AKAP13: variants seen among roughly 807,000 people sequenced by gnomAD.
The protein encoded by AKAP13 is A-kinase anchoring protein 13, also known as A-kinase anchor protein 13.
A neutral mutation model predicts 264.5 loss-of-function variants in AKAP13; 80 were observed. The ratio of observed to expected loss-of-function variants is 0.30; its 90% CI spans 0.25 to 0.36. The LOEUF (loss-of-function observed/expected upper bound fraction) is 0.36, where lower values mean the gene tolerates loss of function less well. Ranked by LOEUF, AKAP13 falls within the 10% of genes least tolerant of loss-of-function variation. The probability of loss-of-function intolerance (pLI) is 1.00; values close to 1 mark genes in which losing one functional copy is unlikely to be tolerated. For synonymous variants in AKAP13, 1,380 were observed against 1,250.2 expected (o/e 1.10, Z -2.19); for missense variants, 3,712 against 3,435.2 (o/e 1.08, Z -2.01).
intron 8 of AKAP13, chr15:85,635,218 C>T (rs338506): frequency 0.11 from 43,094 of 396,814 alleles, 4,803 homozygotes; most frequent in East Asian, 0.41. Context: ...CACATCTTTG[C>T]CAACATTTGG....
chr15:85,656,489 C>T (rs372042169), intron 11 of AKAP13, among the ~76,000 whole-genome samples: 1 of 152,082 alleles, frequency 6.6e-6, no homozygotes, highest in Non-Finnish European at 1.5e-5. Flanking sequence ...CTCTGTCACC[C>T]AGGCTGGAGT....
chr15:85,399,411 G>A (rs973020504), intron 1 of AKAP13, among the ~76,000 whole-genome samples: 2 of 146,818 alleles, frequency 1.4e-5, no homozygotes, highest in Non-Finnish European at 3.0e-5. Flanking sequence ...CAGGAGAATG[G>A]CGTGAACCCG....
At chr15:85,721,514 A>G (rs985396498) in intron 23 of AKAP13, among the ~76,000 whole-genome samples, 2 of 152,228 alleles carry the variant, frequency 1.3e-5, no homozygotes, top group Non-Finnish European at 2.9e-5. Flanking sequence ...TAAGGGCCTC[A>G]TAGAATTATT....
intron 14 of AKAP13, among the ~76,000 whole-genome samples, chr15:85,676,523 A>ACTCT (rs2084238333): frequency 6.6e-6 from 1 of 152,164 alleles, no homozygotes; most frequent in African/African-American, 2.4e-5. Context: ...GAGCAGGGAG[A>ACTCT]GGAATGAGCC....
At chr15:85,677,715 G>A (rs1397943159) in intron 14 of AKAP13, among the ~76,000 whole-genome samples, 1 of 150,620 alleles carries the variant, frequency 6.6e-6, no homozygotes, top group African/African-American at 2.4e-5. Flanking sequence ...GCAGTGGCGC[G>A]ATCTTGCCTC....
At position 85,580,766 on chromosome 15, in the gene AKAP13, G is replaced by A. The variant is rs200417750; in HGVS notation, c.2698G>A (p.Ala900Thr). The stretch of plus-strand genomic sequence containing the variant: ...CTCTTCCCTGCAAAGTGTGGGTAAG[G>A]CCACTTTGGCTTTAGATTCAGTTTT... ...TDSSLQSVGK[A>T]TLALDSVLTE... Residue 900 changes from alanine to threonine, a missense_variant, in exon 7 of 37, where the codon GCC becomes ACC. Physicochemically the swap from Ala to Thr is moderately conservative, Grantham distance 58 (BLOSUM62 0). This residue lies in a region of AKAP13 where 2,759 missense variants were observed against 2,411.7 expected (regional missense o/e 1.14). Transcript: ENST00000394518. 5 of 1,614,144 alleles carry A rather than the reference G, an allele frequency of 3.1e-6. No individual in the cohort carries two copies. The East Asian group carries it at 8.9e-5, about 29-fold the overall frequency.
At chr15:85,478,835 A>G (rs1210364276) in intron 1 of AKAP13, among the ~76,000 whole-genome samples, 2 of 85,438 alleles carry the variant, frequency 2.3e-5, no homozygotes, top group Non-Finnish European at 4.8e-5. Flanking sequence ...ACATATTATG[A>G]GTCTTAACAT....
At chr15:85,443,438 A>G (rs2073782943) in intron 1 of AKAP13, among the ~76,000 whole-genome samples, 1 of 152,140 alleles carries the variant, frequency 6.6e-6, no homozygotes. Context: ...AAGTCCACTC[A>G]CTTTCTTCAT....
intron 10 of AKAP13, among the ~76,000 whole-genome samples, chr15:85,652,860 C>T (rs2082920717): frequency 6.6e-6 from 1 of 152,162 alleles, no homozygotes. Context: ...TGTCTCTTCT[C>T]CTCTTGCAGG....
intron 18 of AKAP13, among the ~76,000 whole-genome samples, chr15:85,710,204 G>A (rs1405745656): frequency 1.3e-5 from 2 of 152,202 alleles, no homozygotes; most frequent in Non-Finnish European, 2.9e-5. Context: ...TAAGGCACCA[G>A]CAATCTACTG....
At chr15:85,401,390 A>C (rs1037385615) in intron 1 of AKAP13, among the ~76,000 whole-genome samples, 6 of 152,150 alleles carry the variant, frequency 3.9e-5, no homozygotes, top group African/African-American at 1.4e-4. Flanking sequence ...TCCTCTGCCA[A>C]CCTGAATTGA....
chr15:85,477,028 CTG>C (rs2075185184), intron 1 of AKAP13, among the ~76,000 whole-genome samples: 1 of 152,062 alleles, frequency 6.6e-6, no homozygotes, highest in African/African-American at 2.4e-5. Flanking sequence ...GTTCCCAAAA[CTG>C]TGATCACATT....
At chr15:85,699,975 A>G (rs1597104898) in intron 17 of AKAP13, among the ~76,000 whole-genome samples, 2 of 152,240 alleles carry the variant, frequency 1.3e-5, no homozygotes, top group South Asian at 2.1e-4. Context: ...CCGTTGGCTT[A>G]TGGTTATAAT....
intron 1 of AKAP13, among the ~76,000 whole-genome samples, chr15:85,472,352 A>AG (rs2151025069): frequency 6.6e-6 from 1 of 152,104 alleles, no homozygotes; most frequent in East Asian, 1.9e-4. Flanking sequence ...AAAAAAAAAA[A>AG]AAAACAAAGA....
chr15:85,620,151 TGTGGAC>T, intron 8 of AKAP13: 1 of 1,536,090 alleles, frequency 6.5e-7, no homozygotes, highest in Non-Finnish European at 8.7e-7. Context: ...TGGACAGGAC[TGTGGAC>T]GTGGTATTGC....
intron 23 of AKAP13, 114 bp downstream of exon 23, chr15:85,719,440 C>T (rs2087143393): frequency 7.3e-7 from 1 of 1,367,462 alleles, no homozygotes; most frequent in Non-Finnish European, 9.9e-7. Flanking sequence ...TGTGTAAGCT[C>T]AGGGAACTTA....
At chr15:85,569,319 T>C (rs945524344) in intron 5 of AKAP13, among the ~76,000 whole-genome samples, 2 of 152,042 alleles carry the variant, frequency 1.3e-5, no homozygotes, top group African/African-American at 2.4e-5. Context: ...ATGCAGAGAA[T>C]TGATGTGTTC....
chr15:85,485,665 T>G, intron 1 of AKAP13, 45 bp from the exon 2 acceptor site: 20 of 1,579,926 alleles, frequency 1.3e-5, no homozygotes, highest in Non-Finnish European at 1.7e-5. Context: ...ATATTTTCGG[T>G]GACAACTTTT....
Position 85,578,953 on chromosome 15 carries a change from C to T in AKAP13, c.885C>T (p.Asp295=), listed in dbSNP as rs1487764669. The change falls in exon 7 of 37, where the codon GAC becomes GAT. Residue 295 remains aspartate (D), a synonymous_variant. Coordinates refer to ENST00000394518, the MANE Select transcript of AKAP13 (RefSeq NM_007200.5). ...QLMKTNLKQM[D]SLMPLMMTAQ... ...AGAAAACAAACCTCAAGCAGATGGA[C>T]AGTCTTATGCCCTTAATGATGACAG... 1 of 1,611,478 alleles carries T rather than the reference C, an allele frequency of 6.2e-7. No homozygotes were observed. The highest frequency in any genetic ancestry group is 8.5e-7 in the Non-Finnish European group (1 of 1,178,226).
Sources: gnomAD v4.1 joint callset for allele counts (sites outside exome capture counted in the v4.1 genomes callset) on GRCh38, gnomAD v4.1.1 for gene constraint, gnomAD v4.1.1 regional missense constraint, MANE v1.5 for transcripts, NCBI Gene and HGNC (gene_info 2026-07-23, HGNC 2026-07-21) for gene names.